The following ZBTB46 variants were observed in gnomAD, a reference collection of about 807,000 sequenced individuals.
ZBTB46 encodes the protein zinc finger and BTB domain-containing protein 46.
ZBTB46 carries 8 observed loss-of-function variants against 44.1 expected under a neutral mutation model. That is an observed-to-expected ratio of 0.18 (90% CI 0.11 to 0.33). The LOEUF (loss-of-function observed/expected upper bound fraction) is 0.33. Among genes scored for constraint, ZBTB46 ranks in the 10% least tolerant of loss-of-function variants. The probability of loss-of-function intolerance (pLI) is 1.00; values close to 1 mark genes in which losing one functional copy is unlikely to be tolerated. For synonymous variants in ZBTB46, 409 were observed against 382.3 expected, an observed-to-expected ratio of 1.07 and a Z score of -0.81; for missense variants, 651 against 847.7, an observed-to-expected ratio of 0.77 and a Z score of 2.88.
chr20:63,819,071 G>A (rs2092776701), intron 1 of ZBTB46, among the ~76,000 whole-genome samples: 1 of 151,152 alleles, frequency 6.6e-6, no homozygotes, highest in African/African-American at 2.4e-5. Flanking sequence ...TACTCAGGAG[G>A]CTGAGGCAGG....
intron 3 of ZBTB46, among the ~76,000 whole-genome samples, chr20:63,770,977 ACGCCGC>A (rs2092364863): frequency 9.1e-6 from 1 of 109,330 alleles, no homozygotes; most frequent in Non-Finnish European, 2.0e-5. Flanking sequence ...CACAGCAGCC[ACGCCGC>A]TCGAACCACA....
At chr20:63,819,120 C>T (rs1285331872) in intron 1 of ZBTB46, among the ~76,000 whole-genome samples, 2 of 152,068 alleles carry the variant, frequency 1.3e-5, no homozygotes, top group African/African-American at 4.8e-5. Context: ...TGGCAGTGAG[C>T]TGAGATCGCG....
intron 1 of ZBTB46, among the ~76,000 whole-genome samples, chr20:63,824,009 G>C (rs1334261973): frequency 6.6e-6 from 1 of 152,138 alleles, no homozygotes; most frequent in African/African-American, 2.4e-5. Context: ...TGAGTGCAGA[G>C]AGGAGGCTGT....
At chr20:63,819,128 G>A (rs539613328) in intron 1 of ZBTB46, among the ~76,000 whole-genome samples, 7 of 152,094 alleles carry the variant, frequency 4.6e-5, no homozygotes, top group African/African-American at 1.2e-4. Context: ...AGCTGAGATC[G>A]CGCCACTGCA....
chr20:63,750,398 T>C (rs2092149188), intron 4 of ZBTB46, among the ~76,000 whole-genome samples: 1 of 142,638 alleles, frequency 7.0e-6, no homozygotes, highest in Admixed American at 7.0e-5. Context: ...CTTGGCTAAC[T>C]TTTTTTTTTT....
At chr20:63,771,972 C>T (rs948051195) in intron 3 of ZBTB46, among the ~76,000 whole-genome samples, 5 of 151,270 alleles carry the variant, frequency 3.3e-5, no homozygotes, top group Admixed American at 1.3e-4. Context: ...ACTTCTAAAC[C>T]GTGTTTACAG....
intron 3 of ZBTB46, among the ~76,000 whole-genome samples, chr20:63,761,674 C>T (rs1314824616): frequency 5.3e-5 from 8 of 150,882 alleles, no homozygotes; most frequent in Admixed American, 4.0e-4. Flanking sequence ...CCCAGCTACT[C>T]GGGAGGCTGC....
intron 2 of ZBTB46, among the ~76,000 whole-genome samples, chr20:63,780,550 C>A (rs1171598202): frequency 6.6e-6 from 1 of 152,118 alleles, no homozygotes; most frequent in East Asian, 1.9e-4. Flanking sequence ...TGCCTGTAAT[C>A]CCAGCACTCT....
chr20:63,747,547 C>CAGGGCCTGGTTGGGGTGGGGGGGGCA (rs529992195), intron 4 of ZBTB46, among the ~76,000 whole-genome samples: 12 of 10,514 alleles, frequency 1.1e-3, no homozygotes, highest in East Asian at 6.3e-3. Context: ...GGGGGGGGTG[C>CAGGGCCTGGTTGGGGTGGGGGGGGCA]GGGGGTGAGC....
At chr20:63,766,974 G>A (rs771549827) in intron 3 of ZBTB46, among the ~76,000 whole-genome samples, 9 of 152,178 alleles carry the variant, frequency 5.9e-5, no homozygotes, top group Non-Finnish European at 8.8e-5. Flanking sequence ...CCCCTCCTGA[G>A]CCCACCTGCT....
In ZBTB46 at chr20:63,804,473, C is replaced by T. The variant is rs149535139; in HGVS notation, c.-33-13683G>A. Among the ~76,000 whole-genome samples the T allele has an allele frequency of 1.8e-4, 27 of 152,298 alleles. No homozygotes were observed. The East Asian group carries it at 4.4e-3, about 25-fold the overall frequency. ...CCCTCCTCCAGGAAGCCCTCCCGGG[C>T]GTCACTGTTCTTACACTGACAGCAC... On this transcript the variant is annotated intron_variant, in intron 1 of 4. Transcript: ENST00000245663.
intron 2 of ZBTB46, 60 bp downstream of exon 2, chr20:63,789,760 GC>G: frequency 1.3e-6 from 2 of 1,545,892 alleles, no homozygotes; most frequent in Non-Finnish European, 1.7e-6. Flanking sequence ...CGCACAGCAC[GC>G]GGCCGTGAGG....
chr20:63,775,993 A>G (rs761035594), intron 2 of ZBTB46, 31 bp from the exon 3 acceptor site: 12 of 1,513,874 alleles, frequency 7.9e-6, no homozygotes, highest in Middle Eastern at 1.8e-4. Flanking sequence ...GTCAGAAGAC[A>G]CGGGTCGTTC....
intron 2 of ZBTB46, among the ~76,000 whole-genome samples, chr20:63,789,519 C>A (rs1038884247): frequency 1.3e-5 from 2 of 152,224 alleles, no homozygotes; most frequent in Non-Finnish European, 2.9e-5. Flanking sequence ...TCACCCACCC[C>A]CCGGCTCACG....
At chr20:63,831,290 G>A (rs1419990910), upstream of ZBTB46, 3 of 120,582 alleles carry the variant, frequency 2.5e-5, no homozygotes. Flanking sequence ...CCAACCCCGC[G>A]GCCCCCGCCG....
In ZBTB46 at chr20:63,790,702, C is replaced by T. The variant is rs761980826; in HGVS notation, c.56G>A (p.Arg19Gln). The T allele has an allele frequency of 1.3e-5, 21 of 1,611,280 alleles. No homozygotes were observed. The highest frequency in any genetic ancestry group is 3.3e-5 in the Admixed American group (2 of 59,988). Residue 19 changes from arginine (R) to glutamine (Q), a missense_variant, in exon 2 of 5, where the codon CGG becomes CAG. Transcript: ENST00000245663. ...EITSHYRHLLRELNEQRQHGV... is the reference protein window; with the variant it reads ...EITSHYRHLLQELNEQRQHGV... ...GTGCTGCCTCTGCTCGTTGAGCTCC[C>T]GCAGCAGGTGCCGGTAGTGGGACGT...
chr20:63,813,460 T>TA (rs1440306643), intron 1 of ZBTB46, among the ~76,000 whole-genome samples: 3 of 140,934 alleles, frequency 2.1e-5, no homozygotes, highest in South Asian at 2.3e-4. Context: ...AAAAAAAAAA[T>TA]AAATAAATAA....
intron 3 of ZBTB46, among the ~76,000 whole-genome samples, chr20:63,768,706 G>A (rs559310446): frequency 6.6e-6 from 1 of 152,072 alleles, no homozygotes; most frequent in African/African-American, 2.4e-5. Flanking sequence ...AAAAGACTCC[G>A]CGACTTCAGG....
chr20:63,757,755 T>C (rs1306589880), intron 3 of ZBTB46, among the ~76,000 whole-genome samples: 1 of 152,156 alleles, frequency 6.6e-6, no homozygotes, highest in Non-Finnish European at 1.5e-5. Flanking sequence ...TTCCTAGAGA[T>C]AGCAGTCGGA....
Sources: gnomAD v4.1 joint callset for allele counts (sites outside exome capture counted in the v4.1 genomes callset) on GRCh38, gnomAD v4.1.1 for gene constraint, MANE v1.5 for transcripts, NCBI Gene and HGNC (gene_info 2026-07-23, HGNC 2026-07-21) for gene names.